Variants in USP53 observed in about 807,000 individuals in gnomAD.
The protein encoded by USP53 is ubiquitin carboxyl-terminal hydrolase 53.
In USP53, 71 loss-of-function variants were observed where a neutral mutation model predicts 94.9. The observed-to-expected ratio is 0.75, with a 90% CI of 0.62 to 0.91. The LOEUF (loss-of-function observed/expected upper bound fraction) is 0.91. Ranked by LOEUF, USP53 falls within the 40% of genes least tolerant of loss-of-function variation. The pLI is 0.00. For synonymous variants in USP53, 375 were observed against 422.7 expected (o/e 0.89, Z 1.39); for missense variants, 1,173 against 1,281.0 (o/e 0.92, Z 1.29).
In USP53 at chr4:119,289,158, T is replaced by G. The variant is rs187178683; in HGVS notation, c.2252-2007T>G. On this transcript the variant is annotated intron_variant, in intron 17 of 18. Coordinates refer to ENST00000692078, the MANE Select transcript of USP53 (RefSeq NM_001371395.1). ...TTAGTATTACCACAGCAAAAGTGCTTTATGCATATTTCCCATTTCCTCATA... is the reference window on the plus strand; with the variant it reads ...TTAGTATTACCACAGCAAAAGTGCTGTATGCATATTTCCCATTTCCTCATA... 1.6e-4 allele frequency among the ~76,000 whole-genome samples: 24 copies of G among 152,262 alleles called. No individual in the cohort carries two copies. The East Asian group carries it at 4.6e-3, about 29-fold the overall frequency.
At chr4:119,236,784 C>T (rs1346550005) in intron 4 of USP53, among the ~76,000 whole-genome samples, 1 of 152,148 alleles carries the variant, frequency 6.6e-6, no homozygotes, top group Non-Finnish European at 1.5e-5. Context: ...GTCTTGAGCC[C>T]CTCAGAGTCA....
chr4:119,268,285 A>C lies in USP53; in HGVS notation c.1153A>C (p.Ile385Leu), dbSNP rs1751433847. Residue 385 changes from isoleucine to leucine, a missense_variant, in exon 14 of 19, where the codon ATT becomes CTT. Ile to Leu is a conservative substitution (Grantham distance 5). Transcript: ENST00000692078. Reference protein sequence around the residue: ...AENMGCEKPVIHKSDNLKENG... With the variant: ...AENMGCEKPVLHKSDNLKENG... ...TTTTTAAGGATGTGAAAAGCCTGTA[A>C]TTCATAAGTCAGATAATTTAAAAGA... 1.2e-6 allele frequency: 2 copies of C among 1,612,598 alleles called. No homozygotes were observed. Among genetic ancestry groups the C allele is most frequent in the South Asian group, 2.2e-5 (2 of 90,984 alleles).
At chr4:119,273,315 CAA>C (rs11366529) in intron 16 of USP53, 1,386 of 141,394 alleles carry the variant, frequency 9.8e-3, no homozygotes, top group Middle Eastern at 0.024. Context: ...GGTCCTGGCT[CAA>C]AAAAAAAAAA....
intron 8 of USP53, 21 bp from the exon 9 acceptor site, chr4:119,256,420 C>T (rs1324968326): frequency 6.2e-7 from 1 of 1,613,282 alleles, no homozygotes; most frequent in Non-Finnish European, 8.5e-7. Context: ...ATAGATTAAA[C>T]ATATGTTTTT....
chr4:119,256,898 C>A (rs1749837513), intron 9 of USP53, among the ~76,000 whole-genome samples: 1 of 152,066 alleles, frequency 6.6e-6, no homozygotes, highest in South Asian at 2.1e-4. Context: ...TCCACTATGT[C>A]CCTTTCTGGT....
At position 119,271,816 on chromosome 4, in the gene USP53, C is replaced by T; in HGVS notation, c.1956C>T (p.Ser652=). The T allele has an allele frequency of 6.2e-7, 1 of 1,612,668 alleles. No individual in the cohort carries two copies. Among genetic ancestry groups the T allele is most frequent in the Non-Finnish European group, 8.5e-7 (1 of 1,179,700 alleles). Residue 652 remains serine, a synonymous_variant, in exon 16 of 19, where the codon AGC becomes AGT. Coordinates refer to ENST00000692078, the MANE Select transcript of USP53 (RefSeq NM_001371395.1). ...YEDEMKQEIG[S]RSSLESNGKG... is the part of the protein sequence containing the mutation. ...ATGAAATGAAGCAGGAAATAGGAAG[C>T]AGAAGTTCCCTTGAATCTAATGGAA...
At chr4:119,269,003 C>T (rs531139585) in intron 14 of USP53, among the ~76,000 whole-genome samples, 1 of 152,262 alleles carries the variant, frequency 6.6e-6, no homozygotes, top group South Asian at 2.1e-4. Context: ...AACCTTTAAA[C>T]ATATTAATGA....
At chr4:119,286,234 A>G (rs894529633) in intron 17 of USP53, among the ~76,000 whole-genome samples, 2 of 149,554 alleles carry the variant, frequency 1.3e-5, no homozygotes. Flanking sequence ...AAATATATAT[A>G]TATGTCTATT....
At chr4:119,229,484 A>G (rs946285556) in intron 3 of USP53, among the ~76,000 whole-genome samples, 2 of 152,120 alleles carry the variant, frequency 1.3e-5, no homozygotes, top group African/African-American at 2.4e-5. Flanking sequence ...TTTTATCCCA[A>G]ATGGAACTCA....
chr4:119,220,734 G>T (rs75421862), intron 3 of USP53: 1 of 152,158 alleles, frequency 6.6e-6, no homozygotes. Flanking sequence ...CATGACAATT[G>T]TTAAAGATGG....
At chr4:119,221,682 A>G (rs1055838821) in intron 3 of USP53, among the ~76,000 whole-genome samples, 4 of 152,140 alleles carry the variant, frequency 2.6e-5, no homozygotes, top group African/African-American at 9.7e-5. Flanking sequence ...TATGCCAGAG[A>G]TAGCAACAGG....
At chr4:119,257,537 A>G (rs61418039) in intron 9 of USP53, among the ~76,000 whole-genome samples, 2,181 of 152,362 alleles carry the variant, frequency 0.014, 66 homozygotes, top group African/African-American at 0.049. Context: ...AATATGGATC[A>G]ATAATTATCA....
At chr4:119,267,803 C>T (rs1455265169) in intron 13 of USP53, among the ~76,000 whole-genome samples, 1 of 152,158 alleles carries the variant, frequency 6.6e-6, no homozygotes, top group Non-Finnish European at 1.5e-5. Context: ...TTTTTGGATG[C>T]ATTATAAAGC....
intron 3 of USP53, among the ~76,000 whole-genome samples, chr4:119,223,280 A>G (rs754015336): frequency 1.3e-5 from 2 of 152,282 alleles, no homozygotes; most frequent in Non-Finnish European, 2.9e-5. Flanking sequence ...GGTGAGGGGT[A>G]TATGTCATTA....
intron 5 of USP53, among the ~76,000 whole-genome samples, chr4:119,244,836 C>A (rs1748006748): frequency 6.6e-6 from 1 of 152,066 alleles, no homozygotes; most frequent in Non-Finnish European, 1.5e-5. Flanking sequence ...CCACACAGGC[C>A]CCCTTTCTTG....
chr4:119,224,801 CTGTG>C (rs1745024420), intron 3 of USP53, among the ~76,000 whole-genome samples: 2 of 152,054 alleles, frequency 1.3e-5, no homozygotes, highest in African/African-American at 4.8e-5. Context: ...GTATAGCAGA[CTGTG>C]TGGGATTTAA....
At chr4:119,240,533 T>C (rs1002409199) in intron 5 of USP53, among the ~76,000 whole-genome samples, 4 of 152,202 alleles carry the variant, frequency 2.6e-5, no homozygotes, top group African/African-American at 9.6e-5. Flanking sequence ...TGTGTCCTTC[T>C]GACCATTGTA....
At chr4:119,264,693 G>A (rs1391057146) in intron 12 of USP53, among the ~76,000 whole-genome samples, 1 of 152,206 alleles carries the variant, frequency 6.6e-6, no homozygotes, top group African/African-American at 2.4e-5. Context: ...GGTGAGGATA[G>A]GAACAGCTGG....
intron 5 of USP53, 45 bp downstream of exon 5, chr4:119,239,948 A>C: frequency 7.4e-7 from 1 of 1,353,504 alleles, no homozygotes; most frequent in Middle Eastern, 2.0e-4. Flanking sequence ...TACTTTTCAG[A>C]AAATCCTTTG....
Sources: allele counts gnomAD v4.1 joint callset (sites outside exome capture counted in the v4.1 genomes callset), GRCh38; gene constraint gnomAD v4.1.1; transcripts MANE v1.5; gene names NCBI Gene and HGNC (gene_info 2026-07-23, HGNC 2026-07-21).